The following WWOX variants were observed in gnomAD, a reference collection of about 807,000 sequenced individuals.
WWOX encodes the protein WW domain containing oxidoreductase, also known as WW domain-containing oxidoreductase.
A neutral mutation model predicts 46.2 loss-of-function variants in WWOX; 69 were observed. That is an observed-to-expected ratio of 1.49 (90% CI 1.23 to 1.82). The LOEUF is 1.82. Among genes scored for constraint, WWOX ranks in the 40% most tolerant of loss-of-function variants. The pLI, the probability that WWOX is intolerant of heterozygous loss-of-function variation, is 0.00. For missense variants in WWOX, 919 were observed against 542.6 expected (o/e 1.69, Z -6.89); for synonymous variants, 359 against 202.6 (o/e 1.77, Z -6.56).
intron 4 of WWOX, among the ~76,000 whole-genome samples, chr16:78,126,669 T>C (rs1465361485): frequency 6.6e-6 from 1 of 152,196 alleles, no homozygotes; most frequent in Non-Finnish European, 1.5e-5. Flanking sequence ...GAGAAAGAAA[T>C]TGGCCTAACT....
chr16:78,748,061 C>A (rs560512690), intron 8 of WWOX, among the ~76,000 whole-genome samples: 1 of 152,150 alleles, frequency 6.6e-6, no homozygotes, highest in Admixed American at 6.5e-5. Flanking sequence ...GCAGAAGTGT[C>A]CCCTGTCTGT....
chr16:78,473,607 T>G (rs1474886310), intron 8 of WWOX, among the ~76,000 whole-genome samples: 1 of 150,442 alleles, frequency 6.6e-6, no homozygotes, highest in Non-Finnish European at 1.5e-5. Context: ...TGTCCCTCCT[T>G]TCCTAAGAAA....
chr16:78,815,471 A>G (rs2051304892), intron 8 of WWOX, among the ~76,000 whole-genome samples: 1 of 152,140 alleles, frequency 6.6e-6, no homozygotes, highest in East Asian at 1.9e-4. Context: ...GCCTTTACTA[A>G]ACACTTCTTA....
At chr16:79,203,555 G>A (rs915803161) in intron 8 of WWOX, 2 of 151,138 alleles carry the variant, frequency 1.3e-5, no homozygotes, top group Non-Finnish European at 2.9e-5. Flanking sequence ...TACTTATGGG[G>A]CATACGTGTA....
intron 8 of WWOX, among the ~76,000 whole-genome samples, chr16:78,964,384 G>A (rs2046327748): frequency 6.6e-6 from 1 of 152,100 alleles, no homozygotes; most frequent in Non-Finnish European, 1.5e-5. Context: ...GAGCACAGGT[G>A]ACTCTTGTTA....
intron 8 of WWOX, among the ~76,000 whole-genome samples, chr16:79,093,463 T>A (rs2049005467): frequency 1.3e-5 from 2 of 152,294 alleles, no homozygotes; most frequent in Admixed American, 1.3e-4. Context: ...TTTATTTGCC[T>A]AAAAATTGTG....
At chr16:78,387,069 T>A in intron 6 of WWOX, 121 bp downstream of exon 6, 1 of 941,364 alleles carries the variant, frequency 1.1e-6, no homozygotes, top group Non-Finnish European at 1.7e-6. Context: ...AACAGGAGGC[T>A]CATTTATATT....
intron 5 of WWOX, among the ~76,000 whole-genome samples, chr16:78,211,373 A>G (rs2036554489): frequency 6.6e-6 from 1 of 152,146 alleles, no homozygotes; most frequent in South Asian, 2.1e-4. Flanking sequence ...CATCAAATAC[A>G]TGCTGTGGGC....
chr16:78,965,830 T>G (rs141057205), intron 8 of WWOX, among the ~76,000 whole-genome samples: 1 of 152,308 alleles, frequency 6.6e-6, no homozygotes, highest in Non-Finnish European at 1.5e-5. Context: ...TTTGTTTGAT[T>G]CTATTGTGGG....
At chr16:78,994,981 TTTTTTTTG>T (rs2046960689) in intron 8 of WWOX, among the ~76,000 whole-genome samples, 1 of 145,392 alleles carries the variant, frequency 6.9e-6, no homozygotes, top group African/African-American at 2.6e-5. Context: ...TTTTTTTTTT[TTTTTTTTG>T]TTTTTCCTCC....
chr16:78,207,319 A>G (rs1486102211), intron 5 of WWOX, among the ~76,000 whole-genome samples: 1 of 152,212 alleles, frequency 6.6e-6, no homozygotes, highest in South Asian at 2.1e-4. Flanking sequence ...AAATTATTAC[A>G]TATCTGTATC....
At chr16:78,351,776 C>A (rs570019369) in intron 5 of WWOX, among the ~76,000 whole-genome samples, 10 of 152,284 alleles carry the variant, frequency 6.6e-5, no homozygotes, top group African/African-American at 2.4e-4. Context: ...CCTCTCCCAG[C>A]CTCCCGAGTC....
chr16:78,575,268 T>C (rs752147719), intron 8 of WWOX, among the ~76,000 whole-genome samples: 2 of 148,712 alleles, frequency 1.3e-5, no homozygotes, highest in Non-Finnish European at 3.0e-5. Context: ...TGACTTTTTA[T>C]TTTTTTTCAA....
chr16:78,983,870 C>CTTTTTTTTTTTT (rs760130115), intron 8 of WWOX, among the ~76,000 whole-genome samples: 12 of 79,862 alleles, frequency 1.5e-4, no homozygotes, highest in Admixed American at 2.1e-4. Context: ...GAGAGCTATT[C>CTTTTTTTTTTTT]TTTTTTTTTT....
At chr16:78,948,623 T>G (rs376076125) in intron 8 of WWOX, among the ~76,000 whole-genome samples, 1 of 152,010 alleles carries the variant, frequency 6.6e-6, no homozygotes, top group Non-Finnish European at 1.5e-5. Flanking sequence ...CTGAAGAGCA[T>G]AAACTTGGGG....
At chr16:79,124,805 A>T (rs1450835776) in intron 8 of WWOX, among the ~76,000 whole-genome samples, 1 of 152,220 alleles carries the variant, frequency 6.6e-6, no homozygotes, top group Admixed American at 6.5e-5. Flanking sequence ...ATAAAAGTAT[A>T]AACCAATGAG....
At chr16:78,126,765 G>A (rs940780083) in intron 4 of WWOX, among the ~76,000 whole-genome samples, 2 of 152,102 alleles carry the variant, frequency 1.3e-5, no homozygotes, top group African/African-American at 4.8e-5. Flanking sequence ...CTGTTGCTTT[G>A]GTACCCGCAT....
At chr16:78,927,549 G>C (rs1393304313) in intron 8 of WWOX, among the ~76,000 whole-genome samples, 1 of 152,182 alleles carries the variant, frequency 6.6e-6, no homozygotes, top group East Asian at 1.9e-4. Flanking sequence ...ATGGATGTTA[G>C]TCATTTGATT....
intron 8 of WWOX, chr16:79,078,186 A>C (rs535670771): frequency 6.6e-6 from 1 of 152,314 alleles, no homozygotes; most frequent in South Asian, 2.1e-4. Flanking sequence ...AAGAGAGGTC[A>C]TTTCAGACAT....
Sources: allele counts gnomAD v4.1 joint callset (sites outside exome capture counted in the v4.1 genomes callset), GRCh38; gene constraint gnomAD v4.1.1; transcripts MANE v1.5; gene names NCBI Gene and HGNC (gene_info 2026-07-23, HGNC 2026-07-21).